AIG1: variants seen among roughly 807,000 people sequenced by gnomAD.
AIG1 encodes androgen induced 1.
In AIG1, 23 loss-of-function variants were observed where a neutral mutation model predicts 31.4. The ratio of observed to expected loss-of-function variants is 0.73; its 90% CI spans 0.53 to 1.04. AIG1 has a LOEUF of 1.04. Among genes scored for constraint, AIG1 ranks in the 50% least tolerant of loss-of-function variants. AIG1 has a pLI of 0.00. For synonymous variants in AIG1, 100 were observed against 110.5 expected (o/e 0.90, Z 0.60); for missense variants, 274 against 295.0 (o/e 0.93, Z 0.52).
chr6:143,335,135 A>G, intron 5 of AIG1: 5 of 1,406,630 alleles, frequency 3.6e-6, no homozygotes, highest in Non-Finnish European at 3.7e-6. Flanking sequence ...TATCATCCTC[A>G]TTTACAAGAG....
chr6:143,305,175 C>G (rs1799169745), intron 4 of AIG1, among the ~76,000 whole-genome samples: 1 of 152,102 alleles, frequency 6.6e-6, no homozygotes, highest in Non-Finnish European at 1.5e-5. Flanking sequence ...TTCAAAAAAC[C>G]AGCTCCTGGA....
intron 3 of AIG1, among the ~76,000 whole-genome samples, chr6:143,225,660 A>T (rs867860777): frequency 3.6e-4 from 54 of 152,080 alleles, no homozygotes; most frequent in African/African-American, 1.3e-3. Flanking sequence ...CTTATTTAAT[A>T]ATTAGAAAAA....
chr6:143,315,084 A>G (rs1300623119), intron 4 of AIG1, among the ~76,000 whole-genome samples: 1 of 152,154 alleles, frequency 6.6e-6, no homozygotes. Flanking sequence ...CTAAGTGGAA[A>G]TACCACTACC....
intron 1 of AIG1, among the ~76,000 whole-genome samples, chr6:143,098,754 T>C (rs1780007754): frequency 6.6e-6 from 1 of 152,210 alleles, no homozygotes; most frequent in Non-Finnish European, 1.5e-5. Flanking sequence ...TCCAAGACTT[T>C]TGTGTTGTAC....
intron 4 of AIG1, among the ~76,000 whole-genome samples, chr6:143,322,594 G>C (rs909701589): frequency 3.9e-5 from 6 of 152,198 alleles, no homozygotes; most frequent in African/African-American, 1.2e-4. Context: ...ATTCTCTCCA[G>C]GGTAACATCA....
chr6:143,330,231 CAAAT>C lies in AIG1; in HGVS notation c.516-3047_516-3044del, dbSNP rs1371005549. Among the ~76,000 whole-genome samples the C allele has an allele frequency of 2.0e-5, 3 of 151,802 alleles. No homozygotes were observed. The highest frequency in any genetic ancestry group is 7.3e-5 in the African/African-American group (3 of 41,286). ...GCTCATTGAATAGACAATAAACAGA[CAAAT>C]AAAAATAAGTAGAGTATATTATTTG... On this transcript the variant is annotated intron_variant, in intron 4 of 5. Coordinates refer to ENST00000357847, the MANE Select transcript of AIG1 (RefSeq NM_016108.4). The surrounding 1 kb of genome is among the most constrained non-coding windows in gnomAD (Gnocchi z 4.4).
chr6:143,241,954 C>T (rs1794274989), intron 3 of AIG1, among the ~76,000 whole-genome samples: 2 of 152,112 alleles, frequency 1.3e-5, no homozygotes, highest in Admixed American at 6.5e-5. Context: ...TGGGTCCCAT[C>T]GCCAAGATAT....
chr6:143,186,808 T>C (rs1789302542), intron 3 of AIG1: 1 of 153,206 alleles, frequency 6.5e-6, no homozygotes, highest in African/African-American at 2.4e-5. Context: ...GTGTAAATGA[T>C]TTAAGAGGTT....
intron 3 of AIG1, among the ~76,000 whole-genome samples, chr6:143,274,647 G>A (rs1434377646): frequency 6.6e-6 from 1 of 151,294 alleles, no homozygotes; most frequent in Non-Finnish European, 1.5e-5. Context: ...GATGACTGGT[G>A]TATAGTAGGA....
chr6:143,333,333 A>G lies in AIG1; in HGVS notation c.567A>G (p.Glu189=), dbSNP rs1777229883. 6.2e-7 allele frequency: 1 copy of G among 1,613,760 alleles called. No homozygotes were observed. Among genetic ancestry groups the G allele is most frequent in the Non-Finnish European group, 8.5e-7 (1 of 1,179,894 alleles). Residue 189 remains glutamate, a synonymous_variant, in exon 5 of 6, where the codon GAA becomes GAG. Coordinates refer to ENST00000357847, the MANE Select transcript of AIG1 (RefSeq NM_016108.4). The surrounding 1 kb of genome is among the most constrained non-coding windows in gnomAD (Gnocchi z 4.6). ...VTGMWVYPFL[E]HIGPGARIIF... Reference sequence around the variant, plus strand: ...GCATGTGGGTGTACCCTTTCCTGGAACACATTGGCCCAGGAGCCAGAATCA... The same window carrying G: ...GCATGTGGGTGTACCCTTTCCTGGAGCACATTGGCCCAGGAGCCAGAATCA...
chr6:143,147,364 C>T (rs2045590069), intron 2 of AIG1, among the ~76,000 whole-genome samples: 1 of 152,096 alleles, frequency 6.6e-6, no homozygotes. Flanking sequence ...GAGTGGCATG[C>T]CCAAGTTTAC....
At chr6:143,290,925 G>A (rs965538439) in intron 4 of AIG1, among the ~76,000 whole-genome samples, 16 of 152,058 alleles carry the variant, frequency 1.1e-4, no homozygotes, top group Non-Finnish European at 2.2e-4. Flanking sequence ...CACTATGCCC[G>A]TCTTCCCCAC....
intron 3 of AIG1, among the ~76,000 whole-genome samples, chr6:143,238,768 A>C (rs1302528659): frequency 1.3e-5 from 2 of 152,218 alleles, no homozygotes; most frequent in African/African-American, 4.8e-5. Flanking sequence ...GAAAAGATAG[A>C]TCCTGGAGCA....
At chr6:143,082,284 G>A (rs1479036166) in intron 1 of AIG1, among the ~76,000 whole-genome samples, 6 of 152,112 alleles carry the variant, frequency 3.9e-5, no homozygotes, top group Admixed American at 2.0e-4. Context: ...GCCGCCTTTC[G>A]AAGTCCTTTT....
At chr6:143,178,905 A>T (rs1421494923) in intron 3 of AIG1, among the ~76,000 whole-genome samples, 3 of 152,330 alleles carry the variant, frequency 2.0e-5, no homozygotes, top group African/African-American at 7.2e-5. Context: ...GAGACATAAG[A>T]AATTAAAGGA....
At position 143,292,781 on chromosome 6, in the gene AIG1, G is replaced by C. The variant is rs550304132; in HGVS notation, c.515+8556G>C. Among the ~76,000 whole-genome samples the C allele has an allele frequency of 1.1e-4, 17 of 152,186 alleles. No individual in the cohort carries two copies. Among genetic ancestry groups the C allele is most frequent in the Non-Finnish European group, 2.4e-4 (16 of 68,038 alleles). On this transcript the variant is annotated intron_variant, in intron 4 of 5. Transcript: ENST00000357847. This position sits in a 1 kb window ranked among gnomAD's most constrained non-coding sequence, Gnocchi z 4.9. ...GATAGTGATCAGGCAGGATTGCCGTGAGCATCAGAAAAATGGGTATACAAT... is the reference window on the plus strand; with the variant it reads ...GATAGTGATCAGGCAGGATTGCCGTCAGCATCAGAAAAATGGGTATACAAT...
Position 143,332,383 on chromosome 6 carries a change from C to A in AIG1, c.516-899C>A, listed in dbSNP as rs202097913. 2.6e-5 allele frequency among the ~76,000 whole-genome samples: 4 copies of A among 152,116 alleles called. No individual in the cohort carries two copies. The East Asian group carries it at 7.7e-4, about 29-fold the overall frequency. On this transcript the variant is annotated intron_variant, in intron 4 of 5. Coordinates refer to ENST00000357847, the MANE Select transcript of AIG1 (RefSeq NM_016108.4). ...GTAAGCAGTCATGTCAGGACCAAGC[C>A]AATGGAGCCGATATTCTAACTAAAC...
intron 1 of AIG1, among the ~76,000 whole-genome samples, chr6:143,112,262 C>G (rs1405900820): frequency 2.0e-5 from 3 of 152,204 alleles, no homozygotes; most frequent in Non-Finnish European, 4.4e-5. Flanking sequence ...ACATCTCTAT[C>G]CACAACTTCT....
At chr6:143,088,919 T>A (rs1779045854) in intron 1 of AIG1, among the ~76,000 whole-genome samples, 1 of 152,190 alleles carries the variant, frequency 6.6e-6, no homozygotes, top group Non-Finnish European at 1.5e-5. Context: ...AACATAAGAC[T>A]TCTTAGCAGT....
Sources: allele counts gnomAD v4.1 joint callset (sites outside exome capture counted in the v4.1 genomes callset), GRCh38; gene constraint gnomAD v4.1.1; non-coding constraint Gnocchi (gnomAD v3.1); transcripts MANE v1.5; gene names NCBI Gene and HGNC (gene_info 2026-07-23, HGNC 2026-07-21).